TEX2: variants seen among roughly 807,000 people sequenced by gnomAD.
The protein encoded by TEX2 is testis-expressed protein 2.
A neutral mutation model predicts 106.9 loss-of-function variants in TEX2; 53 were observed. The observed-to-expected ratio is 0.50, with a 90% CI of 0.40 to 0.62. TEX2 has a LOEUF of 0.62. TEX2 is among the 20% of genes least tolerant of loss of function. TEX2 has a pLI of 0.00. For missense variants in TEX2, 1,207 were observed against 1,379.0 expected, an observed-to-expected ratio of 0.88 and a Z score of 1.98; for synonymous variants, 523 against 534.8, an observed-to-expected ratio of 0.98 and a Z score of 0.30.
chr17:64,188,067 T>G (rs1358733087), intron 5 of TEX2, 101 bp downstream of exon 5: 3 of 1,380,496 alleles, frequency 2.2e-6, no homozygotes, highest in Non-Finnish European at 3.0e-6. Flanking sequence ...TGTGTACCAC[T>G]GTTATCCCAG....
chr17:64,208,070 A>G (rs1205745026), intron 2 of TEX2, among the ~76,000 whole-genome samples: 1 of 151,866 alleles, frequency 6.6e-6, no homozygotes, highest in Non-Finnish European at 1.5e-5. Flanking sequence ...TGCATTCAGG[A>G]GGGCAGCACT....
At chr17:64,258,207 T>C (rs781993745) in intron 1 of TEX2, among the ~76,000 whole-genome samples, 5 of 152,154 alleles carry the variant, frequency 3.3e-5, no homozygotes, top group Non-Finnish European at 7.4e-5. Flanking sequence ...CCACCGCACC[T>C]GGCCCAACTG....
intron 2 of TEX2, among the ~76,000 whole-genome samples, chr17:64,212,325 G>C (rs2033027876): frequency 6.6e-6 from 1 of 152,216 alleles, no homozygotes; most frequent in Non-Finnish European, 1.5e-5. Context: ...AACAGGAACT[G>C]ATGTAAACAC....
intron 7 of TEX2, among the ~76,000 whole-genome samples, chr17:64,161,327 C>T (rs1454668222): frequency 2.0e-5 from 3 of 152,180 alleles, no homozygotes; most frequent in African/African-American, 2.4e-5. Context: ...CAGCCAGTTA[C>T]GAGGCACAAG....
chr17:64,180,828 A>G (rs1254246874), intron 5 of TEX2, among the ~76,000 whole-genome samples: 1 of 152,264 alleles, frequency 6.6e-6, no homozygotes, highest in Non-Finnish European at 1.5e-5. Flanking sequence ...AAAGTAGGAC[A>G]GATTTACTGA....
chr17:64,151,128 AC>A lies in TEX2; in HGVS notation c.3141-168del, dbSNP rs761010147. Among the ~76,000 whole-genome samples, 36 of 152,116 alleles carry A rather than the reference AC, an allele frequency of 2.4e-4. 1 individual carries two copies. The highest frequency in any genetic ancestry group is 1.0e-3 in the Admixed American group (16 of 15,266). On this transcript the variant is annotated intron_variant, in intron 10 of 11. Transcript: ENST00000584379. ...TCCACACACAAAGTATGAATTGTGA[AC>A]CCCCTGTGTTCCCTGGATGGTGTTA...
At chr17:64,150,128 T>A (rs188854070) in intron 11 of TEX2, 1 of 152,292 alleles carries the variant, frequency 6.6e-6, no homozygotes, top group East Asian at 1.9e-4. Flanking sequence ...AGAATGTAGG[T>A]CTTCTTCAAA....
At chr17:64,247,590 C>T (rs960655354) in intron 1 of TEX2, among the ~76,000 whole-genome samples, 4 of 152,210 alleles carry the variant, frequency 2.6e-5, no homozygotes, top group East Asian at 3.9e-4. Flanking sequence ...GCCAGGCTTG[C>T]GCACGGATGC....
At chr17:64,206,617 A>G (rs1555630791) in intron 2 of TEX2, among the ~76,000 whole-genome samples, 1 of 138,610 alleles carries the variant, frequency 7.2e-6, no homozygotes, top group East Asian at 2.2e-4. Context: ...CAATAAGAGT[A>G]CAGTGGTGCG....
At chr17:64,259,795 T>C (rs1157889127) in intron 1 of TEX2, among the ~76,000 whole-genome samples, 1 of 152,212 alleles carries the variant, frequency 6.6e-6, no homozygotes, top group East Asian at 1.9e-4. Flanking sequence ...ATAAATAATA[T>C]ACTACCCTAG....
chr17:64,211,753 G>A (rs1162666160), intron 2 of TEX2, among the ~76,000 whole-genome samples: 1 of 152,202 alleles, frequency 6.6e-6, no homozygotes, highest in Admixed American at 6.5e-5. Flanking sequence ...ACATAAATGT[G>A]TGTGTGCATA....
At chr17:64,171,338 A>T in intron 6 of TEX2, 139 bp from the exon 7 acceptor site, 1 of 684,250 alleles carries the variant, frequency 1.5e-6, no homozygotes, top group Non-Finnish European at 2.6e-6. Flanking sequence ...CGTAATGTGC[A>T]CACATCATGT....
chr17:64,176,612 G>A (rs2031628088), intron 6 of TEX2, among the ~76,000 whole-genome samples: 1 of 152,182 alleles, frequency 6.6e-6, no homozygotes, highest in African/African-American at 2.4e-5. Flanking sequence ...AGGTCTCCTG[G>A]TTGGCAAATG....
chr17:64,223,585 C>G (rs1424490052), intron 1 of TEX2, among the ~76,000 whole-genome samples: 6 of 151,442 alleles, frequency 4.0e-5, no homozygotes, highest in Non-Finnish European at 8.8e-5. Flanking sequence ...AATTCATATA[C>G]TAGATTAGAG....
chr17:64,150,770 AG>A, intron 11 of TEX2, 70 bp downstream of exon 11: 1 of 1,514,498 alleles, frequency 6.6e-7, no homozygotes, highest in Admixed American at 2.1e-5. Flanking sequence ...ACCCAGCTGA[AG>A]TTCAGAACCT....
chr17:64,238,947 T>TAA lies in TEX2; in HGVS notation c.-26+24219_-26+24220dup, dbSNP rs537262407. ...TTCACTAAAAGGTTTGAGATAACTG[T>TAA]AAAAAAAAGGAATTAGCTTTTATTG... On this transcript the variant is annotated intron_variant, in intron 1 of 11. Transcript: ENST00000584379. Among the ~76,000 whole-genome samples the TAA allele has an allele frequency of 2.9e-3, 442 of 152,086 alleles. 2 individuals are homozygous for TAA. The highest frequency in any genetic ancestry group is 5.2e-3 in the Non-Finnish European group (355 of 67,976).
chr17:64,248,936 G>A lies in TEX2; in HGVS notation c.-26+14232C>T, dbSNP rs575009479. ...TGTAATCCCAGCTACTTAGGAGGCT[G>A]AGGAAGGAGGATCACTTGAACCCAG... On this transcript the variant is annotated intron_variant, in intron 1 of 11. Coordinates refer to ENST00000584379, the MANE Select transcript of TEX2 (RefSeq NM_001288732.2). Among the ~76,000 whole-genome samples the A allele has an allele frequency of 2.2e-4, 33 of 152,154 alleles. 1 individual carries two copies. In the South Asian group the frequency reaches 6.7e-3, roughly 31 times the overall value.
intron 2 of TEX2, among the ~76,000 whole-genome samples, chr17:64,199,729 C>T (rs1237703858): frequency 2.6e-5 from 4 of 152,158 alleles, no homozygotes; most frequent in South Asian, 2.1e-4. Context: ...GCGTACTTTA[C>T]GCTTAGAACA....
rs78793755 is a variant in TEX2, at chr17:64,215,159, C to T, written c.-25-917G>A. Among the ~76,000 whole-genome samples the T allele has an allele frequency of 4.6e-3, 698 of 152,300 alleles. 15 individuals carry two copies. Among genetic ancestry groups the T allele is most frequent in the East Asian group, 0.046 (237 of 5,180 alleles). On this transcript the variant is annotated intron_variant, in intron 1 of 11. Coordinates refer to ENST00000584379, the MANE Select transcript of TEX2 (RefSeq NM_001288732.2). ...AGCTGGGCAGCAAAACAAGATGCCA[C>T]GCCCACCTTGTGACATGGTACAGTC...
Sources: gnomAD v4.1 joint callset for allele counts (sites outside exome capture counted in the v4.1 genomes callset) on GRCh38, gnomAD v4.1.1 for gene constraint, MANE v1.5 for transcripts, NCBI Gene and HGNC (gene_info 2026-07-23, HGNC 2026-07-21) for gene names.